Variants in MAX observed in about 807,000 individuals in gnomAD.
The protein encoded by MAX is protein max.
A neutral mutation model predicts 22.3 loss-of-function variants in MAX; 3 were observed. That is an observed-to-expected ratio of 0.13 (90% CI 0.06 to 0.35). The LOEUF is 0.35. Among genes scored for constraint, MAX ranks in the 10% least tolerant of loss-of-function variants. The pLI is 1.00. For synonymous variants in MAX, 72 were observed against 77.7 expected, an observed-to-expected ratio of 0.93 and a Z score of 0.39; for missense variants, 119 against 209.4, an observed-to-expected ratio of 0.57 and a Z score of 2.66.
At chr14:65,085,832 T>C (rs550874014) in intron 3 of MAX, among the ~76,000 whole-genome samples, 2 of 152,208 alleles carry the variant, frequency 1.3e-5, no homozygotes, top group Non-Finnish European at 2.9e-5. Context: ...GGTTGGACCT[T>C]GAGAAAAGCA....
At chr14:65,083,252 A>G (rs1458224771) in intron 3 of MAX, among the ~76,000 whole-genome samples, 5 of 152,196 alleles carry the variant, frequency 3.3e-5, no homozygotes, top group Non-Finnish European at 4.4e-5. Flanking sequence ...CATCACAGCA[A>G]GAACTGACTA....
intron 2 of MAX, among the ~76,000 whole-genome samples, chr14:65,097,950 T>C (rs1490859078): frequency 6.6e-6 from 1 of 152,222 alleles, no homozygotes; most frequent in East Asian, 1.9e-4. Flanking sequence ...AATGTATGTA[T>C]TTGTTTTCAA....
At chr14:65,019,507 C>CT (rs2061848010) in intron 3 of MAX, among the ~76,000 whole-genome samples, 1 of 101,032 alleles carries the variant, frequency 9.9e-6, no homozygotes, top group African/African-American at 4.6e-5. Flanking sequence ...ACAAACAAAA[C>CT]ATTTTTTTTA....
intron 3 of MAX, among the ~76,000 whole-genome samples, chr14:65,037,498 G>C (rs964133537): frequency 7.4e-5 from 9 of 122,444 alleles, no homozygotes; most frequent in African/African-American, 2.5e-4. Context: ...GCAGTGACAC[G>C]ATCATGGTTC....
intron 3 of MAX, among the ~76,000 whole-genome samples, chr14:65,056,445 T>G (rs1287465448): frequency 6.6e-6 from 1 of 152,218 alleles, no homozygotes; most frequent in Non-Finnish European, 1.5e-5. Context: ...TCATCTTTGA[T>G]AGATACCTCT....
In MAX at chr14:65,054,310, C is replaced by T. The variant is rs926805850; in HGVS notation, c.171+39398G>A. Reference sequence around the variant, plus strand: ...AATTTTTTGTAGAGACGGGGTCTCCCATGTTGCCCAAGTTGGTTTTGAACT... The same window carrying T: ...AATTTTTTGTAGAGACGGGGTCTCCTATGTTGCCCAAGTTGGTTTTGAACT... On this transcript the variant is annotated intron_variant, in intron 3 of 3. Transcript: ENST00000341653. This position sits in a 1 kb window ranked among gnomAD's most constrained non-coding sequence, Gnocchi z 4.4. 6.6e-6 allele frequency among the ~76,000 whole-genome samples: 1 copy of T among 151,916 alleles called. No individual in the cohort carries two copies. The highest frequency in any genetic ancestry group is 2.4e-5 in the African/African-American group (1 of 41,368).
intron 3 of MAX, chr14:65,015,494 G>T: frequency 1.9e-6 from 1 of 523,748 alleles, no homozygotes; most frequent in South Asian, 3.5e-5. Flanking sequence ...TTTATTCACT[G>T]ATTGTTGTTT....
Position 65,051,236 on chromosome 14 carries a change from A to G in MAX, c.171+42472T>C, listed in dbSNP as rs1233564364. Among the ~76,000 whole-genome samples the G allele has an allele frequency of 9.2e-5, 14 of 152,330 alleles. 1 individual carries two copies. In the East Asian group the frequency reaches 2.5e-3, roughly 27 times the overall value. On this transcript the variant is annotated intron_variant, in intron 3 of 3. Coordinates refer to the MAX transcript ENST00000341653. Reference sequence around the variant, plus strand: ...GTCACCTGGCCACTGTCCCTCACCTAGTGCTCAACCTTGGAAACCCTTTTC... The same window carrying G: ...GTCACCTGGCCACTGTCCCTCACCTGGTGCTCAACCTTGGAAACCCTTTTC...
intron 2 of MAX, among the ~76,000 whole-genome samples, chr14:65,101,079 G>T (rs970668785): frequency 6.6e-6 from 1 of 152,194 alleles, no homozygotes. Flanking sequence ...TGTTGTGCTA[G>T]ATTCTACGGG....
intron 3 of MAX, among the ~76,000 whole-genome samples, chr14:65,080,036 C>G (rs990812526): frequency 6.6e-6 from 1 of 152,180 alleles, no homozygotes; most frequent in African/African-American, 2.4e-5. Context: ...TATGTCTATA[C>G]ATGGAAATAT....
At position 65,084,078 on chromosome 14, in the gene MAX, C is replaced by T; in HGVS notation, c.172-6042G>A. ...GCCAGGGCCTCCCCAGCCACAGGAC[C>T]ATTTTGCTGATTACCAGGGTAAGGC... On this transcript the variant is annotated intron_variant, in intron 3 of 4. Coordinates refer to ENST00000358664, the MANE Select transcript of MAX (RefSeq NM_002382.5). The surrounding 1 kb of genome is among the most constrained non-coding windows in gnomAD (Gnocchi z 4.3). 1 of 1,598,360 alleles carries T rather than the reference C, an allele frequency of 6.3e-7. No individual in the cohort carries two copies. Among genetic ancestry groups the T allele is most frequent in the Non-Finnish European group, 8.5e-7 (1 of 1,169,966 alleles).
intron 2 of MAX, among the ~76,000 whole-genome samples, chr14:65,097,411 G>A (rs370356508): frequency 7.9e-4 from 120 of 152,268 alleles, no homozygotes; most frequent in African/African-American, 2.7e-3. Context: ...CCAAGTTCTA[G>A]GCAAATAGCA....
chr14:65,076,281 T>C lies in MAX; in HGVS notation c.*195A>G, dbSNP rs1205308456. The stretch of plus-strand genomic sequence containing the variant: ...CCTGAAGGGAATACATTAAAAAATA[T>C]ACAGTGGAAATGGGGAAGGAGAACG... On this transcript the variant is annotated 3_prime_UTR_variant, in exon 5 of 5. Coordinates refer to ENST00000358664, the MANE Select transcript of MAX (RefSeq NM_002382.5). This position sits in a 1 kb window ranked among gnomAD's most constrained non-coding sequence, Gnocchi z 6.6. The C allele has an allele frequency of 4.1e-6, 6 of 1,448,802 alleles. No individual in the cohort carries two copies. The highest frequency in any genetic ancestry group is 2.9e-5 in the South Asian group (2 of 68,360). The allele number at this position is 1,448,802 out of a possible 1,614,324, so 89.7% of individuals were successfully genotyped here.
rs866458283 is a variant in MAX, at chr14:65,022,284, G to T, written c.172-16000C>A. ...TTCCAAAGCTGTAATCTTTTTTTCT[G>T]TTTTTTTTTTTTTAAACCTGCCCAA... On this transcript the variant is annotated intron_variant, in intron 3 of 3. Coordinates refer to the MAX transcript ENST00000341653. 1.9e-3 allele frequency among the ~76,000 whole-genome samples: 280 copies of T among 144,048 alleles called. 10 individuals are homozygous for T. The South Asian group carries it at 0.04, about 20-fold the overall frequency. 94.5% of individuals were successfully genotyped at this position (144,048 alleles called of 152,430 possible).
Position 65,083,814 on chromosome 14 carries a change from C to T in MAX, c.172-5778G>A, listed in dbSNP as rs759076908. 9 of 1,125,080 alleles carry T rather than the reference C, an allele frequency of 8.0e-6. No individual in the cohort carries two copies. The South Asian group carries it at 2.6e-4, about 32-fold the overall frequency. The allele number at this position is 1,125,080 out of a possible 1,614,324, so 69.7% of individuals were successfully genotyped here. ...AAATGAAACCATTTATTTTCTGAAA[C>T]CTGTGTAAGCTTTTACACATATGAA... On this transcript the variant is annotated intron_variant, in intron 3 of 4. Coordinates refer to ENST00000358664, the MANE Select transcript of MAX (RefSeq NM_002382.5).
chr14:65,065,943 CCAG>C (rs1225089822), intron 3 of MAX, among the ~76,000 whole-genome samples: 1 of 152,182 alleles, frequency 6.6e-6, no homozygotes, highest in Non-Finnish European at 1.5e-5. Flanking sequence ...CCAAGGTTTC[CCAG>C]CTGTCAAGTG....
In MAX at chr14:65,058,546, G is replaced by C. The variant is rs187087409; in HGVS notation, c.171+35162C>G. The stretch of plus-strand genomic sequence containing the variant: ...TCGTCTCTTGCTCCTGATTATAATG[G>C]GAAGGCTTTTTATAACCTGATCATT... On this transcript the variant is annotated intron_variant, in intron 3 of 3. Transcript: ENST00000341653. Among the ~76,000 whole-genome samples the C allele has an allele frequency of 2.0e-5, 3 of 152,208 alleles. No individual in the cohort carries two copies. In the East Asian group the frequency reaches 5.8e-4, roughly 29 times the overall value.
rs888832193 is a variant in MAX, at chr14:65,069,172, G to T, written c.171+24536C>A. Among the ~76,000 whole-genome samples, 1 of 152,200 alleles carries T rather than the reference G, an allele frequency of 6.6e-6. No homozygotes were observed. The highest frequency in any genetic ancestry group is 2.4e-5 in the African/African-American group (1 of 41,448). The stretch of plus-strand genomic sequence containing the variant: ...TGTGCCTGGATACCAAGGGACCAGT[G>T]AAAGTGGTGGAATAGAATCGTGACC... On this transcript the variant is annotated intron_variant, in intron 3 of 3. Coordinates refer to the MAX transcript ENST00000341653. This position sits in a 1 kb window ranked among gnomAD's most constrained non-coding sequence, Gnocchi z 4.6.
Position 65,077,038 on chromosome 14 carries a change from C to T in MAX, c.296-375G>A. 1.8e-6 allele frequency: 1 copy of T among 547,936 alleles called. No homozygotes were observed. The highest frequency in any genetic ancestry group is 3.3e-6 in the Non-Finnish European group (1 of 307,134). The allele number at this position is 547,936 out of a possible 1,614,324, so 33.9% of individuals were successfully genotyped here. A position where few individuals can be genotyped will look rare whatever the true frequency, so the allele number is the denominator to read the frequency against. On this transcript the variant is annotated intron_variant, in intron 4 of 4. Transcript: ENST00000358664. This position sits in a 1 kb window ranked among gnomAD's most constrained non-coding sequence, Gnocchi z 6.3. ...GCATGAGGCTCCACAAGGTGTGAGGCCACACAACAGCAGGAAAGGATGACA... is the reference window on the plus strand; with the variant it reads ...GCATGAGGCTCCACAAGGTGTGAGGTCACACAACAGCAGGAAAGGATGACA...
Sources: allele counts gnomAD v4.1 joint callset (sites outside exome capture counted in the v4.1 genomes callset), GRCh38; gene constraint gnomAD v4.1.1; non-coding constraint Gnocchi (gnomAD v3.1); transcripts MANE v1.5; gene names NCBI Gene and HGNC (gene_info 2026-07-23, HGNC 2026-07-21).